AGBL4: variants seen among roughly 807,000 people sequenced by gnomAD.
The protein encoded by AGBL4 is cytosolic carboxypeptidase 6.
AGBL4 carries 58 observed loss-of-function variants against 66.4 expected under a neutral mutation model. The ratio of observed to expected loss-of-function variants is 0.87; its 90% confidence interval spans 0.71 to 1.09. The LOEUF is 1.09. AGBL4 is among the 50% of genes least tolerant of loss of function. The probability of loss-of-function intolerance (pLI) is 0.00; values close to 1 mark genes in which losing one functional copy is unlikely to be tolerated. For synonymous variants in AGBL4, 234 were observed against 222.9 expected (o/e 1.05, Z -0.44); for missense variants, 579 against 631.0 (o/e 0.92, Z 0.88).
chr1:49,597,681 T>G (rs1644876924), intron 3 of AGBL4, among the ~76,000 whole-genome samples: 1 of 152,208 alleles, frequency 6.6e-6, no homozygotes, highest in Non-Finnish European at 1.5e-5. Context: ...AGAGTGGCAT[T>G]ACCTGTCCTC....
At chr1:49,910,805 G>A (rs1239244602) in intron 1 of AGBL4, among the ~76,000 whole-genome samples, 6 of 152,092 alleles carry the variant, frequency 3.9e-5, no homozygotes, top group Non-Finnish European at 8.8e-5. Context: ...GTGAAAACCC[G>A]TCTTTACTAA....
At chr1:48,618,732 A>G (rs959712738) in intron 9 of AGBL4, among the ~76,000 whole-genome samples, 1 of 152,244 alleles carries the variant, frequency 6.6e-6, no homozygotes, top group African/African-American at 2.4e-5. Context: ...AGTATTAGCC[A>G]GCCCCTCTTA....
intron 1 of AGBL4, among the ~76,000 whole-genome samples, chr1:49,950,108 A>ATATGTATATACACATATGTG (rs1557612202): frequency 1.4e-5 from 2 of 143,048 alleles, no homozygotes; most frequent in South Asian, 2.1e-4. Flanking sequence ...ATATATATAC[A>ATATGTATATACACATATGTG]TATGTATATA....
rs1002073802 is a variant in AGBL4, at chr1:49,315,571, G to C, written c.283-69707C>G. On this transcript the variant is annotated intron_variant, in intron 3 of 13. Coordinates refer to ENST00000371839, the MANE Select transcript of AGBL4 (RefSeq NM_032785.4). ...AAGAAAAAAACAACCCCATCAAAAA[G>C]TGCGCAAAGTATATGAACAGACATT... Among the ~76,000 whole-genome samples, 13 of 152,208 alleles carry C rather than the reference G, an allele frequency of 8.5e-5. 1 individual carries two copies. The South Asian group carries it at 1.5e-3, about 17-fold the overall frequency.
chr1:48,924,393 C>T (rs1654350176), intron 5 of AGBL4, among the ~76,000 whole-genome samples: 1 of 152,000 alleles, frequency 6.6e-6, no homozygotes, highest in Non-Finnish European at 1.5e-5. Context: ...CTGGAACTTC[C>T]CCCAGCTCCC....
intron 5 of AGBL4, among the ~76,000 whole-genome samples, chr1:49,006,759 A>G (rs1347890354): frequency 6.6e-6 from 1 of 151,816 alleles, no homozygotes; most frequent in Non-Finnish European, 1.5e-5. Flanking sequence ...ACCCCCCAGC[A>G]GGGGCACACT....
intron 6 of AGBL4, among the ~76,000 whole-genome samples, chr1:48,803,577 T>C (rs1181215560): frequency 6.6e-6 from 1 of 152,338 alleles, no homozygotes; most frequent in African/African-American, 2.4e-5. Context: ...CATGGTATAA[T>C]GGTTTAAACA....
chr1:49,845,433 A>C, intron 2 of AGBL4: 1 of 1,447,420 alleles, frequency 6.9e-7, no homozygotes, highest in Admixed American at 1.7e-5. Flanking sequence ...AGTGTGGGAA[A>C]GCCTTCCAGC....
chr1:49,948,435 A>C (rs1261514875), intron 1 of AGBL4, among the ~76,000 whole-genome samples: 1 of 94,040 alleles, frequency 1.1e-5, no homozygotes, highest in Non-Finnish European at 2.0e-5. Flanking sequence ...ATAAATATAT[A>C]AATATATATA....
At chr1:49,957,744 C>T (rs939831735) in intron 1 of AGBL4, among the ~76,000 whole-genome samples, 1 of 152,000 alleles carries the variant, frequency 6.6e-6, no homozygotes, top group Non-Finnish European at 1.5e-5. Flanking sequence ...TATTTTAAGC[C>T]TATGTGTGTC....
intron 3 of AGBL4, among the ~76,000 whole-genome samples, chr1:49,384,169 G>A (rs1644684892): frequency 6.6e-6 from 1 of 152,006 alleles, no homozygotes; most frequent in Admixed American, 6.6e-5. Flanking sequence ...CCAATGGAAT[G>A]GCAGAAAATG....
intron 3 of AGBL4, among the ~76,000 whole-genome samples, chr1:49,653,779 G>T (rs1225595714): frequency 6.6e-6 from 1 of 151,498 alleles, no homozygotes; most frequent in Non-Finnish European, 1.5e-5. Context: ...AGAGAAAAAA[G>T]AATGAAAAGT....
At position 49,217,846 on chromosome 1, in the gene AGBL4, T is replaced by C. The variant is rs375619962; in HGVS notation, c.377+27924A>G. On this transcript the variant is annotated intron_variant, in intron 4 of 13. Transcript: ENST00000371839. ...ATTTTCTAACCTATTCATCTGTTGA[T>C]GATCATAAAAGTCTAGGATATTAGT... is the stretch of plus-strand genomic sequence containing the variant. Among the ~76,000 whole-genome samples, 163 of 152,256 alleles carry C rather than the reference T, an allele frequency of 1.1e-3. 1 individual carries two copies. The highest frequency in any genetic ancestry group is 3.8e-3 in the African/African-American group (157 of 41,566).
chr1:48,523,760 G>A, the AGBL4 span, among the ~76,000 whole-genome samples: 8 of 152,276 alleles, frequency 5.3e-5, no homozygotes, highest in East Asian at 1.2e-3. Context: ...ACAGGGATAC[G>A]TTCTGAGAAA....
chr1:48,601,236 C>T (rs957220066), intron 9 of AGBL4, among the ~76,000 whole-genome samples: 4 of 152,184 alleles, frequency 2.6e-5, no homozygotes, highest in Non-Finnish European at 4.4e-5. Flanking sequence ...TTCACTTTCC[C>T]TCCCTGAGTT....
At chr1:49,663,173 C>CAG (rs1646302220) in intron 3 of AGBL4, among the ~76,000 whole-genome samples, 1 of 152,098 alleles carries the variant, frequency 6.6e-6, no homozygotes, top group Admixed American at 6.6e-5. Context: ...AAATGTTTAG[C>CAG]ACCATCAATG....
At chr1:49,638,574 G>A (rs1645721974) in intron 3 of AGBL4, among the ~76,000 whole-genome samples, 1 of 152,156 alleles carries the variant, frequency 6.6e-6, no homozygotes, top group Non-Finnish European at 1.5e-5. Context: ...TCTGGTGAGA[G>A]GTAATTGAAT....
chr1:49,385,423 G>A (rs1644716787), intron 3 of AGBL4, among the ~76,000 whole-genome samples: 1 of 151,724 alleles, frequency 6.6e-6, no homozygotes, highest in South Asian at 2.1e-4. Context: ...AGGATGGTGA[G>A]ATCTTGGACC....
chr1:49,688,756 T>C (rs1646832444), intron 3 of AGBL4, among the ~76,000 whole-genome samples: 1 of 152,196 alleles, frequency 6.6e-6, no homozygotes, highest in Non-Finnish European at 1.5e-5. Context: ...GTCTTTTGGA[T>C]ATAAGCTATT....
Sources: gnomAD v4.1 joint callset for allele counts (sites outside exome capture counted in the v4.1 genomes callset) on GRCh38, gnomAD v4.1.1 for gene constraint, MANE v1.5 for transcripts, NCBI Gene and HGNC (gene_info 2026-07-23, HGNC 2026-07-21) for gene names.